CDH13: variants seen among roughly 807,000 people sequenced by gnomAD.
CDH13 encodes cadherin-13.
CDH13 carries 24 observed loss-of-function variants against 63.8 expected under a neutral mutation model. That is an observed-to-expected ratio of 0.38 (90% CI 0.27 to 0.53). The LOEUF is 0.53. Ranked by LOEUF, CDH13 falls within the 20% of genes least tolerant of loss-of-function variation. The pLI, the probability that CDH13 is intolerant of heterozygous loss-of-function variation, is 0.85. For missense variants in CDH13, 1,049 were observed against 903.1 expected (o/e 1.16, Z -2.07); for synonymous variants, 503 against 355.3 (o/e 1.42, Z -4.67).
intron 2 of CDH13, among the ~76,000 whole-genome samples, chr16:82,900,096 T>C (rs980768325): frequency 2.0e-5 from 3 of 152,194 alleles, no homozygotes; most frequent in Admixed American, 2.0e-4. Flanking sequence ...CTTTTCCAAA[T>C]ATACCATGTT....
intron 7 of CDH13, among the ~76,000 whole-genome samples, chr16:83,547,605 A>C (rs1473095481): frequency 1.3e-5 from 2 of 152,196 alleles, no homozygotes; most frequent in African/African-American, 4.8e-5. Flanking sequence ...CTCCAGCTCC[A>C]TCCATGTTCC....
chr16:83,101,611 T>A (rs998351143), intron 3 of CDH13, among the ~76,000 whole-genome samples: 2 of 152,090 alleles, frequency 1.3e-5, no homozygotes, highest in African/African-American at 4.8e-5. Flanking sequence ...CTGGCTAACA[T>A]GGCCAAACCC....
At chr16:83,624,827 C>T (rs1259829478) in intron 8 of CDH13, among the ~76,000 whole-genome samples, 1 of 152,128 alleles carries the variant, frequency 6.6e-6, no homozygotes, top group Non-Finnish European at 1.5e-5. Flanking sequence ...GCAATGCCCC[C>T]AGATCAAAGC....
intron 10 of CDH13, among the ~76,000 whole-genome samples, chr16:83,694,596 C>T (rs1905201550): frequency 6.6e-6 from 1 of 152,212 alleles, no homozygotes; most frequent in African/African-American, 2.4e-5. Context: ...TAAACATTTG[C>T]ATATTCAGTT....
intron 1 of CDH13, chr16:82,705,291 A>C (rs899638782): frequency 2.6e-6 from 1 of 378,566 alleles, no homozygotes; most frequent in Admixed American, 3.7e-5. Flanking sequence ...TGTCCAATAT[A>C]TTCTTACTTA....
chr16:83,632,672 C>G (rs1015250459), intron 8 of CDH13, among the ~76,000 whole-genome samples: 1 of 149,694 alleles, frequency 6.7e-6, no homozygotes, highest in Non-Finnish European at 1.5e-5. Flanking sequence ...GGGTCCAGAT[C>G]CAGATCCCAA....
At chr16:82,637,284 T>G (rs1392831364) in intron 1 of CDH13, among the ~76,000 whole-genome samples, 1 of 152,220 alleles carries the variant, frequency 6.6e-6, no homozygotes, top group Non-Finnish European at 1.5e-5. Flanking sequence ...TGTGGCAGTA[T>G]TGATTCCGAA....
At position 83,389,753 on chromosome 16, in the gene CDH13, G is replaced by A. The variant is rs374868473; in HGVS notation, c.781+44747G>A. On this transcript the variant is annotated intron_variant, in intron 6 of 13. Coordinates refer to ENST00000567109, the MANE Select transcript of CDH13 (RefSeq NM_001257.5). The stretch of plus-strand genomic sequence containing the variant: ...AATGAATTAAAGTTTTCAGAGTTTG[G>A]GGCCTGGGAATCTGAAGTGGTTCCA... 8.5e-5 allele frequency among the ~76,000 whole-genome samples: 13 copies of A among 152,278 alleles called. No individual in the cohort carries two copies. The South Asian group carries it at 2.7e-3, about 32-fold the overall frequency.
chr16:83,162,544 A>T (rs1450373618), intron 4 of CDH13, among the ~76,000 whole-genome samples: 8 of 150,816 alleles, frequency 5.3e-5, no homozygotes, highest in Admixed American at 1.3e-4. Flanking sequence ...TTAAAGGTTG[A>T]ACAAAGCAAG....
chr16:82,747,447 G>A (rs1191352459), intron 1 of CDH13, among the ~76,000 whole-genome samples: 2 of 140,492 alleles, frequency 1.4e-5, no homozygotes, highest in African/African-American at 2.4e-5. Flanking sequence ...TTCACGTATT[G>A]GCAGATGTGT....
intron 1 of CDH13, among the ~76,000 whole-genome samples, chr16:82,643,739 T>C (rs183350007): frequency 3.9e-5 from 6 of 152,214 alleles, no homozygotes; most frequent in Admixed American, 3.9e-4. Flanking sequence ...AAGGAGATGG[T>C]TTAGTGTTAC....
intron 6 of CDH13, among the ~76,000 whole-genome samples, chr16:83,459,860 C>T (rs916843274): frequency 9.2e-5 from 14 of 152,144 alleles, no homozygotes; most frequent in African/African-American, 3.4e-4. Flanking sequence ...AATAGTGTTA[C>T]TCAACTGGTA....
At chr16:83,588,201 C>T (rs1348214577) in intron 7 of CDH13, among the ~76,000 whole-genome samples, 2 of 152,202 alleles carry the variant, frequency 1.3e-5, no homozygotes, top group Non-Finnish European at 2.9e-5. Context: ...TCCCTGCACA[C>T]TCTTGGACAG....
intron 1 of CDH13, among the ~76,000 whole-genome samples, chr16:82,845,410 G>C (rs1261230578): frequency 6.6e-6 from 1 of 152,302 alleles, no homozygotes; most frequent in East Asian, 1.9e-4. Flanking sequence ...AAGAGACTGA[G>C]GGCACTCTAA....
chr16:83,308,908 C>G (rs774338667), intron 5 of CDH13, among the ~76,000 whole-genome samples: 1 of 152,178 alleles, frequency 6.6e-6, no homozygotes, highest in Non-Finnish European at 1.5e-5. Flanking sequence ...GTAGGGGATT[C>G]GGGAAGCCTC....
rs549459636 is a variant in CDH13 at position 83,222,135 on chromosome 16, C to G, written c.636+4638C>G. ...TCAATTCTAGAACAGGTAACTGGAACCACCTGTGTTCCTGGCCTCAGAACA... is the reference window on the plus strand; with the variant it reads ...TCAATTCTAGAACAGGTAACTGGAAGCACCTGTGTTCCTGGCCTCAGAACA... On this transcript the variant is annotated intron_variant, in intron 5 of 13. Transcript: ENST00000567109. 9.2e-5 allele frequency among the ~76,000 whole-genome samples: 14 copies of G among 152,318 alleles called. No individual in the cohort carries two copies. The East Asian group carries it at 2.7e-3, about 29-fold the overall frequency.
At chr16:83,524,448 T>C (rs2074910049) in intron 7 of CDH13, among the ~76,000 whole-genome samples, 1 of 3,826 alleles carries the variant, frequency 2.6e-4, no homozygotes, top group South Asian at 0.01. Flanking sequence ...CTTTTTTCTT[T>C]TTTTTTTTTT....
chr16:83,771,155 C>G (rs1414162679), intron 11 of CDH13, among the ~76,000 whole-genome samples: 2 of 152,114 alleles, frequency 1.3e-5, no homozygotes, highest in African/African-American at 4.8e-5. Flanking sequence ...TGCTCGATTC[C>G]TCTACGTAAA....
chr16:82,825,466 G>A (rs1195625187), intron 1 of CDH13: 1 of 151,666 alleles, frequency 6.6e-6, no homozygotes, highest in African/African-American at 2.4e-5. Flanking sequence ...CTTCTCATTA[G>A]CTGAAAGTGT....
Sources: gnomAD v4.1 joint callset for allele counts (sites outside exome capture counted in the v4.1 genomes callset) on GRCh38, gnomAD v4.1.1 for gene constraint, MANE v1.5 for transcripts, NCBI Gene and HGNC (gene_info 2026-07-23, HGNC 2026-07-21) for gene names.